Variants in SNX16 observed in about 807,000 individuals in gnomAD.
SNX16 encodes sorting nexin-16.
Under a neutral mutation model 36.7 loss-of-function variants are expected in SNX16, and 35 were observed. The observed-to-expected ratio is 0.95, with a 90% CI of 0.73 to 1.27. The LOEUF (loss-of-function observed/expected upper bound fraction) is 1.27. SNX16 is among the 50% of genes most tolerant of loss of function. The pLI is 0.00. For synonymous variants in SNX16, 134 were observed against 132.0 expected (o/e 1.02, Z -0.10); for missense variants, 367 against 393.6 (o/e 0.93, Z 0.57).
intron 5 of SNX16, among the ~76,000 whole-genome samples, chr8:81,812,470 T>C (rs1810305673): frequency 6.7e-6 from 1 of 149,068 alleles, no homozygotes; most frequent in South Asian, 2.1e-4. Flanking sequence ...TAAAGGTTGA[T>C]TTTTTTTTTA....
chr8:81,801,597 C>CAAAAAAA lies in SNX16; in HGVS notation c.939-11_939-5dup. On this transcript the variant is annotated splice_region_variant and splice_polypyrimidine_tract_variant and intron_variant, in intron 7 of 7. Coordinates refer to ENST00000345957, the MANE Select transcript of SNX16 (RefSeq NM_152836.3). The stretch of plus-strand genomic sequence containing the variant: ...TAAGCATGGTTTATTATCAGCTCTG[C>CAAAAAAA]AAAAAAAAAAAAAAAAGGAACATAT... The CAAAAAAA allele has an allele frequency of 1.9e-6, 2 of 1,052,946 alleles. No individual in the cohort carries two copies. Among genetic ancestry groups the CAAAAAAA allele is most frequent in the Non-Finnish European group, 2.5e-6 (2 of 792,654 alleles). 65.2% of individuals were successfully genotyped at this position (1,052,946 alleles called of 1,614,324 possible).
intron 3 of SNX16, among the ~76,000 whole-genome samples, chr8:81,827,079 G>A (rs561059879): frequency 1.7e-4 from 26 of 152,190 alleles, no homozygotes; most frequent in Admixed American, 1.6e-3. Flanking sequence ...CTGATGGGTA[G>A]AGCTCTTTCT....
chr8:81,807,038 T>A (rs1809985721), intron 5 of SNX16, among the ~76,000 whole-genome samples: 1 of 152,140 alleles, frequency 6.6e-6, no homozygotes, highest in Admixed American at 6.5e-5. Flanking sequence ...AATAAATGTA[T>A]TAAAATTCCA....
At chr8:81,804,013 A>G (rs1236405597) in intron 5 of SNX16, among the ~76,000 whole-genome samples, 4 of 151,964 alleles carry the variant, frequency 2.6e-5, no homozygotes, top group Non-Finnish European at 4.4e-5. Flanking sequence ...TCAAAATCAA[A>G]TAGATCTCTA....
intron 7 of SNX16, 109 bp from the exon 8 acceptor site, chr8:81,801,702 A>G: frequency 1.9e-6 from 1 of 519,704 alleles, no homozygotes; most frequent in Non-Finnish European, 3.3e-6. Flanking sequence ...GAAAATTTAC[A>G]TACTTAGTGT....
Position 81,838,907 on chromosome 8 carries a change from A to T in SNX16, c.375+705T>A, listed in dbSNP as rs1169061504. Among the ~76,000 whole-genome samples, 3 of 152,262 alleles carry T rather than the reference A, an allele frequency of 2.0e-5. No homozygotes were observed. The East Asian group carries it at 5.8e-4, about 29-fold the overall frequency. ...CAAAGTGCACAGAAAACTACAAATCAAAAGGGAGACTTCCCAAAAGAAAAA... is the reference window on the plus strand; with the variant it reads ...CAAAGTGCACAGAAAACTACAAATCTAAAGGGAGACTTCCCAAAAGAAAAA... On this transcript the variant is annotated intron_variant, in intron 2 of 7. Transcript: ENST00000345957.
At position 81,839,913 on chromosome 8, in the gene SNX16, T is replaced by C. The variant is rs775796906; in HGVS notation, c.74A>G (p.Gln25Arg). The C allele has an allele frequency of 5.0e-6, 8 of 1,614,006 alleles. No homozygotes were observed. Among genetic ancestry groups the C allele is most frequent in the Non-Finnish European group, 1.7e-6 (2 of 1,179,902 alleles). ...GACACTGCCAAAAGAAGAACTTCTT[T>C]GATTTCTGTTTGTTGTAAAACTGGA... is the stretch of plus-strand genomic sequence containing the variant. ...SASSFTTNRNQRSSSFGSVST... is the reference protein window; with the variant it reads ...SASSFTTNRNRRSSSFGSVST... The change falls in exon 2 of 8, where the codon CAA (glutamine) becomes CGA (arginine). Residue 25 changes from glutamine to arginine, a missense_variant. Physicochemically the swap from Gln to Arg is conservative, Grantham distance 43. Coordinates refer to ENST00000345957, the MANE Select transcript of SNX16 (RefSeq NM_152836.3).
In SNX16 at chr8:81,839,911, T is replaced by G. The variant is rs1295578574; in HGVS notation, c.76A>C (p.Arg26=). ...GAGACACTGCCAAAAGAAGAACTTC[T>G]TTGATTTCTGTTTGTTGTAAAACTG... ...ASSFTTNRNQ[R]SSSFGSVSTS... The change falls in exon 2 of 8, where the codon AGA becomes CGA. Residue 26 remains arginine, a synonymous_variant. Transcript: ENST00000345957. 1 of 1,614,026 alleles carries G rather than the reference T, an allele frequency of 6.2e-7. No individual in the cohort carries two copies. Among genetic ancestry groups the G allele is most frequent in the Non-Finnish European group, 8.5e-7 (1 of 1,179,930 alleles).
intron 7 of SNX16, among the ~76,000 whole-genome samples, chr8:81,802,146 G>A (rs1809728417): frequency 6.6e-6 from 1 of 151,622 alleles, no homozygotes; most frequent in Non-Finnish European, 1.5e-5. Context: ...CAGCTCTAAA[G>A]TAAGTAATGA....
intron 5 of SNX16, chr8:81,814,603 T>G (rs1385527835): frequency 1.3e-5 from 2 of 152,074 alleles, no homozygotes. Flanking sequence ...ATTGTACATT[T>G]TCAGTAGAAT....
chr8:81,815,355 C>T lies in SNX16; in HGVS notation c.651G>A (p.Pro217=), dbSNP rs780828308. 93 of 1,612,218 alleles carry T rather than the reference C, an allele frequency of 5.8e-5. No individual in the cohort carries two copies. The highest frequency in any genetic ancestry group is 7.2e-5 in the Non-Finnish European group (85 of 1,179,112). Residue 217 remains proline, a synonymous_variant, in exon 5 of 8, where the codon CCG becomes CCA. Transcript: ENST00000345957. ...TTTCTTCTAGGCTATCAAATGGACC[C>T]GGTGGATCATCCAAACAAAGAAATT... is the stretch of plus-strand genomic sequence containing the variant. ...VREFLCLDDP[P]GPFDSLEESR...
In SNX16 at chr8:81,801,538, T is replaced by C. The variant is rs1801752886; in HGVS notation, c.994A>G (p.Ile332Val). 3.1e-6 allele frequency: 5 copies of C among 1,596,450 alleles called. No individual in the cohort carries two copies. Among genetic ancestry groups the C allele is most frequent in the Admixed American group, 3.4e-5 (2 of 59,166 alleles). The change falls in exon 8 of 8, where the codon ATA becomes GTA. Residue 332 changes from isoleucine to valine, a missense_variant. By Grantham distance (29) the Ile-to-Val change is conservative. Coordinates refer to ENST00000345957, the MANE Select transcript of SNX16 (RefSeq NM_152836.3). ...TCATATGCCACTTCTGCTACTTCTA[T>C]CTCTGATACAGCATTTTCAGGTTCA... The part of the protein sequence containing the change: ...FSEPENAVSE[I>V]EVAEVAYDAE...
chr8:81,820,369 A>G (rs1810683696), intron 4 of SNX16, among the ~76,000 whole-genome samples: 1 of 152,080 alleles, frequency 6.6e-6, no homozygotes, highest in Admixed American at 6.6e-5. Flanking sequence ...GATTGCAGAG[A>G]TAGTTAAAAT....
intron 1 of SNX16, chr8:81,840,308 T>C (rs1811687901): frequency 4.7e-6 from 1 of 210,798 alleles, no homozygotes; most frequent in African/African-American, 2.3e-5. Flanking sequence ...TATCCCTTTT[T>C]CCTCTACTTT....
Position 81,823,941 on chromosome 8 carries a change from C to CATTAAGCCTAGAGAAGTCAG in SNX16, c.463-2_463-1insCTGACTTCTCTAGGCTTAAT. ...GAAAACCTGGAAACATCTCTTTTAA[C>CATTAAGCCTAGAGAAGTCAG]TGAAAAAGAAGAAAAGAGCAAATAC... On this transcript the variant is annotated splice_acceptor_variant, in intron 3 of 7. Transcript: ENST00000345957. LOFTEE classifies it high-confidence loss of function. 1 of 1,604,882 alleles carries CATTAAGCCTAGAGAAGTCAG rather than the reference C, an allele frequency of 6.2e-7. No homozygotes were observed. The highest frequency in any genetic ancestry group is 1.7e-5 in the Admixed American group (1 of 58,234).
chr8:81,802,771 T>C (rs1298471593), intron 6 of SNX16, among the ~76,000 whole-genome samples: 4 of 151,816 alleles, frequency 2.6e-5, no homozygotes, highest in Non-Finnish European at 4.4e-5. Context: ...GAAACTAAGA[T>C]GTCACTTAAA....
chr8:81,841,741 CT>C (rs1429452054), intron 1 of SNX16: 1 of 152,306 alleles, frequency 6.6e-6, no homozygotes, highest in Non-Finnish European at 1.5e-5. Flanking sequence ...CATTCTCACT[CT>C]GGAAAACCTC....
intron 5 of SNX16, among the ~76,000 whole-genome samples, chr8:81,812,416 A>C (rs1391258111): frequency 6.6e-6 from 1 of 152,128 alleles, no homozygotes; most frequent in Non-Finnish European, 1.5e-5. Flanking sequence ...AATATCTTGA[A>C]AGCAGCAAGG....
chr8:81,813,158 T>A (rs1810339062), intron 5 of SNX16, among the ~76,000 whole-genome samples: 1 of 151,980 alleles, frequency 6.6e-6, no homozygotes. Flanking sequence ...GATCTTGGGT[T>A]GAAAGATACA....
Sources: allele counts gnomAD v4.1 joint callset (sites outside exome capture counted in the v4.1 genomes callset), GRCh38; gene constraint gnomAD v4.1.1; transcripts MANE v1.5; gene names NCBI Gene and HGNC (gene_info 2026-07-23, HGNC 2026-07-21).